Variants in GNB1 observed in about 807,000 individuals in gnomAD.
The protein encoded by GNB1 is G protein subunit beta 1.
Under a neutral mutation model 42.9 loss-of-function variants are expected in GNB1, and 2 were observed. The ratio of observed to expected loss-of-function variants is 0.05; its 90% CI spans 0.02 to 0.15. The LOEUF (loss-of-function observed/expected upper bound fraction) is 0.15, where lower values mean the gene tolerates loss of function less well. Ranked by LOEUF, GNB1 falls within the 10% of genes least tolerant of loss-of-function variation. The probability of loss-of-function intolerance (pLI) is 1.00; values close to 1 mark genes in which losing one functional copy is unlikely to be tolerated. For synonymous variants in GNB1, 183 were observed against 174.7 expected, an observed-to-expected ratio of 1.05 and a Z score of -0.38; for missense variants, 193 against 462.2, an observed-to-expected ratio of 0.42 and a Z score of 5.34.
chr1:1,813,883 T>C (rs565007565), intron 5 of GNB1, among the ~76,000 whole-genome samples: 18 of 152,340 alleles, frequency 1.2e-4, no homozygotes, highest in Admixed American at 6.5e-4. Flanking sequence ...TATATCCACA[T>C]TGTGAAATAA....
intron 2 of GNB1, among the ~76,000 whole-genome samples, chr1:1,836,794 G>A (rs1461939975): frequency 3.3e-5 from 5 of 151,572 alleles, no homozygotes; most frequent in East Asian, 1.9e-4. Flanking sequence ...CAGGTGATCC[G>A]CCTGCCTGGG....
chr1:1,804,726 T>C (rs1040871511), intron 6 of GNB1, 145 bp from the exon 7 acceptor site: 1 of 622,126 alleles, frequency 1.6e-6, no homozygotes, highest in African/African-American at 1.9e-5. Flanking sequence ...GATTCCCATA[T>C]GTGGCCACTC....
intron 7 of GNB1, among the ~76,000 whole-genome samples, chr1:1,801,780 A>G (rs10907185): frequency 0.57 from 86,501 of 152,094 alleles, 27,607 homozygotes; most frequent in Non-Finnish European, 0.7. Flanking sequence ...CAGAGTTACA[A>G]TAAGAAATAT....
Position 1,789,219 on chromosome 1 carries a change from G to A in GNB1, c.750C>T (p.Cys250=). The A allele has an allele frequency of 6.2e-7, 1 of 1,613,590 alleles. No individual in the cohort carries two copies. Among genetic ancestry groups the A allele is most frequent in the Non-Finnish European group, 8.5e-7 (1 of 1,179,444 alleles). ...AFATGSDDAT[C]RLFDLRADQE... ...GGTCAGCACGAAGGTCAAACAGCCT[G>A]CAGGTGGCGTCGTCTGAGCCAGTGG... The change falls in exon 10 of 12, where the codon TGC becomes TGT. Residue 250 remains cysteine (C), a synonymous_variant. Transcript: ENST00000378609.
intron 1 of GNB1, among the ~76,000 whole-genome samples, chr1:1,883,089 G>A (rs1377549143): frequency 1.3e-5 from 2 of 151,514 alleles, no homozygotes; most frequent in South Asian, 2.1e-4. Flanking sequence ...CCAGGAGTTG[G>A]AGACCAGCCT....
At chr1:1,850,328 C>T (rs1168406097) in intron 1 of GNB1, among the ~76,000 whole-genome samples, 1 of 152,048 alleles carries the variant, frequency 6.6e-6, no homozygotes, top group African/African-American at 2.4e-5. Context: ...GACGGGGTTT[C>T]TCCATGTTGG....
intron 1 of GNB1, among the ~76,000 whole-genome samples, chr1:1,877,328 T>TAC (rs1209756656): frequency 2.0e-4 from 29 of 147,650 alleles, no homozygotes; most frequent in Admixed American, 3.4e-4. Context: ...TATATATATA[T>TAC]ATACACACAC....
intron 8 of GNB1, among the ~76,000 whole-genome samples, 178 bp downstream of exon 8, chr1:1,793,064 CAAA>C (rs33952351): frequency 4.2e-5 from 6 of 142,418 alleles, no homozygotes; most frequent in South Asian, 2.2e-4. Flanking sequence ...AACTCCATCT[CAAA>C]AAAAAAAAAA....
intron 1 of GNB1, among the ~76,000 whole-genome samples, chr1:1,852,307 C>T (rs1648031531): frequency 6.6e-6 from 1 of 152,008 alleles, no homozygotes; most frequent in African/African-American, 2.4e-5. Context: ...CGGCTCACTG[C>T]AAGCTCCGCC....
At chr1:1,832,643 T>A (rs1186131399) in intron 2 of GNB1, among the ~76,000 whole-genome samples, 1 of 152,208 alleles carries the variant, frequency 6.6e-6, no homozygotes, top group Non-Finnish European at 1.5e-5. Context: ...CTACCCTTCA[T>A]GGCAATGCAG....
At chr1:1,840,574 C>T (rs1429580295) in intron 1 of GNB1, among the ~76,000 whole-genome samples, 3 of 152,208 alleles carry the variant, frequency 2.0e-5, no homozygotes, top group African/African-American at 4.8e-5. Flanking sequence ...TAATACAATT[C>T]AACAAATTCT....
At position 1,801,638 on chromosome 1, in the gene GNB1, T is replaced by C. The variant is rs933041778; in HGVS notation, c.430+2781A>G. 4.6e-5 allele frequency among the ~76,000 whole-genome samples: 7 copies of C among 151,970 alleles called. No individual in the cohort carries two copies. The South Asian group carries it at 6.2e-4, about 14-fold the overall frequency. ...TACAAAGCCCACAGACAAAGTAAAA[T>C]AGATTTCTTTAAAAAATCAAGTAAC... On this transcript the variant is annotated intron_variant, in intron 7 of 11. Transcript: ENST00000378609.
intron 7 of GNB1, among the ~76,000 whole-genome samples, chr1:1,797,360 C>T (rs890551868): frequency 5.3e-5 from 8 of 152,232 alleles, no homozygotes; most frequent in South Asian, 2.1e-4. Context: ...TACTGCATAA[C>T]TATTGTATAA....
rs1650217841 is a variant in GNB1, at chr1:1,887,426, CATAAA to C, written c.-96+3389_-96+3393del. 3.3e-5 allele frequency among the ~76,000 whole-genome samples: 5 copies of C among 152,332 alleles called. No homozygotes were observed. The South Asian group carries it at 1.0e-3, about 32-fold the overall frequency. On this transcript the variant is annotated intron_variant, in intron 1 of 11. Transcript: ENST00000378609. ...AACTTTTCCAGTGGACCAACACACA[CATAAA>C]ATAAACCAAAAGACCCAGAAATTTT...
chr1:1,841,614 G>A (rs1647245631), intron 1 of GNB1, among the ~76,000 whole-genome samples: 1 of 152,206 alleles, frequency 6.6e-6, no homozygotes, highest in South Asian at 2.1e-4. Context: ...AAACTCACAT[G>A]CACACATCTA....
intron 5 of GNB1, among the ~76,000 whole-genome samples, chr1:1,808,546 G>A (rs750067948): frequency 3.3e-5 from 5 of 152,210 alleles, no homozygotes; most frequent in Admixed American, 6.5e-5. Flanking sequence ...AGGTTCCACT[G>A]TTTGATGCAG....
At chr1:1,815,026 G>T (rs1261147846) in intron 5 of GNB1, among the ~76,000 whole-genome samples, 1 of 151,192 alleles carries the variant, frequency 6.6e-6, no homozygotes, top group Non-Finnish European at 1.5e-5. Flanking sequence ...GCAGGAGAAT[G>T]GCGTGAACCC....
intron 2 of GNB1, 148 bp downstream of exon 2, chr1:1,839,042 C>T (rs1647188203): frequency 6.6e-6 from 1 of 152,142 alleles, no homozygotes; most frequent in South Asian, 2.1e-4. Context: ...AACCCCTTGA[C>T]CCCAGGAGTT....
At chr1:1,817,188 A>G (rs750455774) in intron 4 of GNB1, among the ~76,000 whole-genome samples, 9 of 152,098 alleles carry the variant, frequency 5.9e-5, no homozygotes, top group Non-Finnish European at 1.2e-4. Flanking sequence ...TATAAATAGA[A>G]CTAAACAATA....
Sources: allele counts gnomAD v4.1 joint callset (sites outside exome capture counted in the v4.1 genomes callset), GRCh38; gene constraint gnomAD v4.1.1; transcripts MANE v1.5; gene names NCBI Gene and HGNC (gene_info 2026-07-23, HGNC 2026-07-21).